ANKS1B: variants seen among roughly 807,000 people sequenced by gnomAD.
ANKS1B encodes ankyrin repeat and sterile alpha motif domain-containing protein 1B.
In ANKS1B, 36 loss-of-function variants were observed where a neutral mutation model predicts 148.3. The observed-to-expected ratio is 0.24, with a 90% CI of 0.19 to 0.32. ANKS1B has a LOEUF of 0.32. Ranked by LOEUF, ANKS1B falls within the 10% of genes least tolerant of loss-of-function variation. ANKS1B has a pLI of 1.00. For synonymous variants in ANKS1B, 542 were observed against 560.8 expected (o/e 0.97, Z 0.47); for missense variants, 1,157 against 1,542.6 (o/e 0.75, Z 4.19).
chr12:99,907,812 T>TAAAAAAAAAAAAAAAAAAAAA (rs751468199), intron 1 of ANKS1B, among the ~76,000 whole-genome samples: 2 of 100,158 alleles, frequency 2.0e-5, no homozygotes, highest in African/African-American at 3.8e-5. Flanking sequence ...GAGAAATTCT[T>TAAAAAAAAAAAAAAAAAAAAA]AAAAAAAAAA....
chr12:99,067,426 C>A (rs1243303874), intron 16 of ANKS1B, among the ~76,000 whole-genome samples: 1 of 152,162 alleles, frequency 6.6e-6, no homozygotes, highest in Non-Finnish European at 1.5e-5. Context: ...CCTTGGCATT[C>A]ATTAGTGGCA....
At chr12:99,121,528 C>T (rs1169083174) in intron 15 of ANKS1B, among the ~76,000 whole-genome samples, 1 of 151,928 alleles carries the variant, frequency 6.6e-6, no homozygotes, top group Non-Finnish European at 1.5e-5. Context: ...TTCATACATA[C>T]AGGTGAAAAA....
intron 20 of ANKS1B, among the ~76,000 whole-genome samples, chr12:98,807,220 A>T (rs1359452531): frequency 6.6e-6 from 1 of 152,238 alleles, no homozygotes; most frequent in African/African-American, 2.4e-5. Flanking sequence ...TTTGAAAATC[A>T]TGCAGCTCAG....
intron 8 of ANKS1B, among the ~76,000 whole-genome samples, chr12:99,699,781 A>C (rs2054523565): frequency 6.6e-6 from 1 of 152,232 alleles, no homozygotes; most frequent in African/African-American, 2.4e-5. Context: ...TTTTAATTTC[A>C]ACACACAGGT....
At chr12:99,443,638 A>AT in intron 11 of ANKS1B, 35 bp downstream of exon 11, 4 of 1,608,108 alleles carry the variant, frequency 2.5e-6, no homozygotes, top group Non-Finnish European at 3.4e-6. Flanking sequence ...ATCAAAACAC[A>AT]TTAGAGGGAA....
chr12:99,690,952 A>C (rs946556540), intron 8 of ANKS1B, among the ~76,000 whole-genome samples: 1 of 151,782 alleles, frequency 6.6e-6, no homozygotes, highest in Non-Finnish European at 1.5e-5. Flanking sequence ...AAACTTCTGC[A>C]TGGACATCCA....
chr12:99,188,628 A>G (rs994536268), intron 14 of ANKS1B, among the ~76,000 whole-genome samples: 3 of 152,222 alleles, frequency 2.0e-5, no homozygotes, highest in Non-Finnish European at 2.9e-5. Flanking sequence ...GCAGAAATAA[A>G]TAAGTTATTT....
chr12:99,335,920 T>C (rs1456020109), intron 12 of ANKS1B, among the ~76,000 whole-genome samples: 1 of 152,142 alleles, frequency 6.6e-6, no homozygotes, highest in African/African-American at 2.4e-5. Context: ...CTAGTTTTAA[T>C]TTTTTGAAGA....
At chr12:98,962,805 T>C (rs1362364366) in intron 17 of ANKS1B, among the ~76,000 whole-genome samples, 1 of 152,108 alleles carries the variant, frequency 6.6e-6, no homozygotes, top group Non-Finnish European at 1.5e-5. Context: ...TTGGAAAATA[T>C]AAAAACACAC....
intron 17 of ANKS1B, among the ~76,000 whole-genome samples, chr12:98,844,641 G>A (rs1045525066): frequency 2.0e-5 from 3 of 152,176 alleles, no homozygotes; most frequent in Non-Finnish European, 4.4e-5. Context: ...CTGCAAGATG[G>A]TGGGCTCTAT....
chr12:99,256,334 T>C (rs1218459088), intron 12 of ANKS1B, among the ~76,000 whole-genome samples: 1 of 152,192 alleles, frequency 6.6e-6, no homozygotes, highest in Non-Finnish European at 1.5e-5. Context: ...TTAAAAACTT[T>C]AGAGCATTTT....
chr12:99,876,489 G>A (rs1266932886), intron 1 of ANKS1B, among the ~76,000 whole-genome samples: 6 of 152,104 alleles, frequency 3.9e-5, no homozygotes, highest in East Asian at 1.9e-4. Context: ...TTGGGAGGCC[G>A]AGGCAGGCGT....
intron 17 of ANKS1B, among the ~76,000 whole-genome samples, chr12:98,887,928 AT>A (rs1371691070): frequency 2.0e-5 from 3 of 152,324 alleles, no homozygotes; most frequent in African/African-American, 7.2e-5. Flanking sequence ...AATAATTTTT[AT>A]TTAAAAATAG....
intron 12 of ANKS1B, among the ~76,000 whole-genome samples, chr12:99,391,617 A>G (rs928499023): frequency 6.6e-6 from 1 of 152,232 alleles, no homozygotes; most frequent in Non-Finnish European, 1.5e-5. Context: ...TTGCTTAGGT[A>G]AGCCAATAGT....
chr12:99,714,753 T>G (rs2057080626), intron 8 of ANKS1B, among the ~76,000 whole-genome samples: 1 of 152,072 alleles, frequency 6.6e-6, no homozygotes, highest in South Asian at 2.1e-4. Context: ...AATATTGAAA[T>G]TAGACTGATA....
chr12:99,225,881 T>C (rs551675392), intron 14 of ANKS1B, among the ~76,000 whole-genome samples: 1 of 152,372 alleles, frequency 6.6e-6, no homozygotes, highest in African/African-American at 2.4e-5. Context: ...TGTGATCATG[T>C]GAGTCAATAT....
chr12:99,928,972 A>G (rs1207594941), intron 1 of ANKS1B, among the ~76,000 whole-genome samples: 1 of 152,234 alleles, frequency 6.6e-6, no homozygotes, highest in East Asian at 1.9e-4. Context: ...TAGTAGAAGT[A>G]TTAATAAAAA....
chr12:99,403,852 T>C lies in ANKS1B; in HGVS notation c.1576-4041A>G, dbSNP rs916777596. On this transcript the variant is annotated intron_variant, in intron 11 of 26. Coordinates refer to ENST00000683438, the MANE Select transcript of ANKS1B (RefSeq NM_001352186.2). ...ATACCCAAAGGAATATAAATCATTC[T>C]GTCATAAAGACACATACACACATAT... 2.7e-5 allele frequency among the ~76,000 whole-genome samples: 4 copies of C among 146,320 alleles called. 1 individual carries two copies. Among genetic ancestry groups the C allele is most frequent in the African/African-American group, 7.8e-5 (3 of 38,532 alleles).
chr12:99,617,001 C>A (rs2097972992), intron 9 of ANKS1B, among the ~76,000 whole-genome samples: 1 of 152,082 alleles, frequency 6.6e-6, no homozygotes, highest in Non-Finnish European at 1.5e-5. Flanking sequence ...AGATACTTCT[C>A]AAAAGAAGAC....
Sources: allele counts gnomAD v4.1 joint callset (sites outside exome capture counted in the v4.1 genomes callset), GRCh38; gene constraint gnomAD v4.1.1; transcripts MANE v1.5; gene names NCBI Gene and HGNC (gene_info 2026-07-23, HGNC 2026-07-21).